Variants in CELF2 observed in about 807,000 individuals in gnomAD.
CELF2 encodes CUGBP Elav-like family member 2.
Under a neutral mutation model 62.6 loss-of-function variants are expected in CELF2, and 8 were observed. That is an observed-to-expected ratio of 0.13 (90% CI 0.07 to 0.23). CELF2 has a LOEUF of 0.23. CELF2 is among the 10% of genes least tolerant of loss of function. CELF2 has a pLI of 1.00. For missense variants in CELF2, 333 were observed against 671.0 expected, an observed-to-expected ratio of 0.50 and a Z score of 5.56; for synonymous variants, 258 against 250.0, an observed-to-expected ratio of 1.03 and a Z score of -0.30.
chr10:11,108,356 G>GT (rs10638373), intron 1 of CELF2, among the ~76,000 whole-genome samples: 29 of 149,774 alleles, frequency 1.9e-4, no homozygotes, highest in African/African-American at 6.4e-4. Flanking sequence ...CTGTTTTTTT[G>GT]TTTGTTTTTT....
chr10:10,514,881 G>A, the CELF2 span, among the ~76,000 whole-genome samples: 1 of 152,164 alleles, frequency 6.6e-6, no homozygotes, highest in Non-Finnish European at 1.5e-5. Context: ...CATGTGGCAT[G>A]ATTCAAATTA....
At chr10:11,293,018 T>G (rs1055937036) in intron 9 of CELF2, among the ~76,000 whole-genome samples, 6 of 152,170 alleles carry the variant, frequency 3.9e-5, no homozygotes, top group Non-Finnish European at 8.8e-5. Context: ...CGGTCTAGAC[T>G]GGAGTGAAAC....
the CELF2 span, among the ~76,000 whole-genome samples, chr10:10,537,894 T>C: frequency 6.6e-6 from 1 of 152,104 alleles, no homozygotes; most frequent in Non-Finnish European, 1.5e-5. Context: ...CTTGGAGCCA[T>C]TTGGGCAGAA....
At chr10:10,475,396 T>C in the CELF2 span, among the ~76,000 whole-genome samples, 2 of 151,654 alleles carry the variant, frequency 1.3e-5, no homozygotes, top group Admixed American at 6.6e-5. Flanking sequence ...TGGAAGGAGA[T>C]ATGTAAAACT....
the CELF2 span, among the ~76,000 whole-genome samples, chr10:10,784,940 G>A: frequency 2.0e-5 from 3 of 152,100 alleles, no homozygotes; most frequent in African/African-American, 7.2e-5. Context: ...ACTTCACATA[G>A]GTAGGCTTGG....
the CELF2 span, among the ~76,000 whole-genome samples, chr10:10,770,636 G>A: frequency 2.0e-5 from 3 of 152,010 alleles, no homozygotes; most frequent in African/African-American, 7.2e-5. Flanking sequence ...ACTGCACAGA[G>A]CCCCCACTGC....
At chr10:10,763,467 C>T in the CELF2 span, among the ~76,000 whole-genome samples, 2 of 152,182 alleles carry the variant, frequency 1.3e-5, no homozygotes, top group East Asian at 1.9e-4. Flanking sequence ...GTCAGGAAAA[C>T]CCACCCTGCA....
intron 1 of CELF2, among the ~76,000 whole-genome samples, chr10:11,130,112 G>T (rs1482270339): frequency 1.3e-5 from 2 of 152,060 alleles, no homozygotes; most frequent in Admixed American, 1.3e-4. Flanking sequence ...CTTTATTTCT[G>T]CCTTCATTTC....
intron 1 of CELF2, among the ~76,000 whole-genome samples, chr10:11,079,221 C>A (rs2073154298): frequency 6.6e-6 from 1 of 152,086 alleles, no homozygotes; most frequent in African/African-American, 2.4e-5. Context: ...AAATTTCATA[C>A]GTTTTTTGTA....
At chr10:11,138,087 G>C (rs376380895) in intron 1 of CELF2, among the ~76,000 whole-genome samples, 2 of 152,064 alleles carry the variant, frequency 1.3e-5, no homozygotes, top group Admixed American at 6.5e-5. Flanking sequence ...ATATTTTTTA[G>C]ACACAAATTT....
chr10:10,506,526 C>T, the CELF2 span, among the ~76,000 whole-genome samples: 237 of 152,144 alleles, frequency 1.6e-3, no homozygotes, highest in African/African-American at 5.3e-3. Context: ...ATTCCCTACC[C>T]CAATCTGTTT....
At chr10:10,594,587 T>A in the CELF2 span, among the ~76,000 whole-genome samples, 1 of 151,590 alleles carries the variant, frequency 6.6e-6, no homozygotes, top group Non-Finnish European at 1.5e-5. Flanking sequence ...AATTCAAGAC[T>A]GATCCACACA....
chr10:10,651,625 C>A, the CELF2 span, among the ~76,000 whole-genome samples: 19 of 146,466 alleles, frequency 1.3e-4, no homozygotes, highest in East Asian at 3.3e-3. Flanking sequence ...ACACCTCACA[C>A]GGCAGGGTAT....
chr10:10,520,490 G>A, the CELF2 span, among the ~76,000 whole-genome samples: 1 of 152,096 alleles, frequency 6.6e-6, no homozygotes, highest in Non-Finnish European at 1.5e-5. Context: ...GCATGTCCTC[G>A]AGCTTCTACT....
chr10:11,024,872 C>T (rs1292196790), intron 1 of CELF2, among the ~76,000 whole-genome samples: 2 of 152,184 alleles, frequency 1.3e-5, no homozygotes, highest in African/African-American at 4.8e-5. Flanking sequence ...TTTTGGACAG[C>T]TTAAATTGTT....
chr10:10,680,715 G>T, the CELF2 span, among the ~76,000 whole-genome samples: 6 of 152,160 alleles, frequency 3.9e-5, no homozygotes, highest in African/African-American at 1.4e-4. Context: ...CAGTCCAAGA[G>T]GCCCAGGTAA....
rs918725176 is a variant in CELF2, at chr10:10,930,556, C to T, written c.89+10557C>T. Among the ~76,000 whole-genome samples, 3 of 152,064 alleles carry T rather than the reference C, an allele frequency of 2.0e-5. No individual in the cohort carries two copies. The South Asian group carries it at 6.2e-4, about 32-fold the overall frequency. On this transcript the variant is annotated intron_variant, in intron 2 of 13. Transcript: ENST00000636488. ...GGAACTTCTTTAAGATAAAGCCTGCCGTTTTCTGGATTTGTCGCCATAGAG... is the reference window on the plus strand; with the variant it reads ...GGAACTTCTTTAAGATAAAGCCTGCTGTTTTCTGGATTTGTCGCCATAGAG...
In CELF2 at chr10:11,247,164, G is replaced by C. The variant is rs1353763589; in HGVS notation, c.355-1989G>C. 6.6e-6 allele frequency among the ~76,000 whole-genome samples: 1 copy of C among 152,188 alleles called. No homozygotes were observed. Among genetic ancestry groups the C allele is most frequent in the Admixed American group, 6.5e-5 (1 of 15,282 alleles). ...CACGGCAGCCAAAATGGCTTTTCTA[G>C]AATTTCGATCTTGTTTCCTTTGTTA... On this transcript the variant is annotated intron_variant, in intron 3 of 12. Transcript: ENST00000633077. This position sits in a 1 kb window ranked among gnomAD's most constrained non-coding sequence, Gnocchi z 5.4.
Position 11,249,157 on chromosome 10 carries a change from A to T in CELF2, c.359A>T (p.His120Leu). 6.2e-7 allele frequency: 1 copy of T among 1,613,484 alleles called. No homozygotes were observed. Among genetic ancestry groups the T allele is most frequent in the Non-Finnish European group, 8.5e-7 (1 of 1,179,386 alleles). Residue 120 changes from histidine to leucine, a missense_variant, in exon 4 of 13, where the codon CAT becomes CTT. Around this residue, in one of 3 missense-constraint regions of CELF2, gnomAD observed 253 missense variants for 503.0 expected, o/e 0.50. Transcript: ENST00000633077. ...TTCTCCCTTTTGTGTTTTTAGATGC[A>T]TCATCCCATTCAGATGAAACCTGCA... ...LHNIKTLPGM[H>L]HPIQMKPADS...
Sources: gnomAD v4.1 joint callset for allele counts (sites outside exome capture counted in the v4.1 genomes callset) on GRCh38, gnomAD v4.1.1 for gene constraint, gnomAD v4.1.1 regional missense constraint, Gnocchi (gnomAD v3.1) non-coding constraint, MANE v1.5 for transcripts, NCBI Gene and HGNC (gene_info 2026-07-23, HGNC 2026-07-21) for gene names.